Variants in NOX5 observed in about 807,000 individuals in gnomAD.
NOX5 encodes NADPH oxidase, EF-hand calcium binding domain 5.
In NOX5, 76 loss-of-function variants were observed where a neutral mutation model predicts 85.7. The observed-to-expected ratio is 0.89, with a 90% CI of 0.74 to 1.07. NOX5 has a LOEUF of 1.07. Ranked by LOEUF, NOX5 falls within the 50% of genes least tolerant of loss-of-function variation. The pLI, the probability that NOX5 is intolerant of heterozygous loss-of-function variation, is 0.00. For synonymous variants in NOX5, 405 were observed against 401.4 expected (o/e 1.01, Z -0.11); for missense variants, 973 against 999.5 (o/e 0.97, Z 0.36).
At chr15:69,028,030 A>G (rs2050380603) in intron 2 of NOX5, among the ~76,000 whole-genome samples, 185 bp from the exon 3 acceptor site, 1 of 152,176 alleles carries the variant, frequency 6.6e-6, no homozygotes, top group Non-Finnish European at 1.5e-5. Flanking sequence ...TACTGCAGGG[A>G]TCGGAACAGG....
rs74020576 is a variant in NOX5, at chr15:69,023,581, T to C, written c.51-2947T>C. ...TAGAGAAGATCTTTATACACAAATA[T>C]ATTAGTGGATACTACAGAGTGTCAT... is the stretch of plus-strand genomic sequence containing the variant. On this transcript the variant is annotated intron_variant, in intron 1 of 15. Transcript: ENST00000388866. The C allele has an allele frequency of 5.2e-3, 1,145 of 219,854 alleles. 14 individuals carry two copies. The highest frequency in any genetic ancestry group is 0.026 in the African/African-American group (1,085 of 42,484). The allele number at this position is 219,854 out of a possible 1,614,324, so 13.6% of individuals were successfully genotyped here. A position where few individuals can be genotyped will look rare whatever the true frequency, so the allele number is the denominator to read the frequency against.
intron 1 of NOX5, chr15:69,023,709 T>TGAAAA (rs2050322463): frequency 6.3e-5 from 11 of 173,730 alleles, no homozygotes; most frequent in African/African-American, 2.2e-4. Flanking sequence ...AATAATGCTG[T>TGAAAA]ATAATAATCC....
At chr15:69,056,498 G>T in intron 15 of NOX5, 67 bp from the exon 16 acceptor site, 1 of 1,583,072 alleles carries the variant, frequency 6.3e-7, no homozygotes, top group Non-Finnish European at 8.6e-7. Flanking sequence ...CCAGGTGGTT[G>T]TGTCACTGGT....
chr15:69,043,354 G>T (rs1475183282), intron 10 of NOX5, among the ~76,000 whole-genome samples: 2 of 152,164 alleles, frequency 1.3e-5, no homozygotes, highest in Non-Finnish European at 2.9e-5. Context: ...GGCTTTGGAG[G>T]AACAGAGAGA....
chr15:69,025,425 T>C (rs1229451111), intron 1 of NOX5, among the ~76,000 whole-genome samples: 3 of 152,082 alleles, frequency 2.0e-5, no homozygotes, highest in African/African-American at 4.8e-5. Flanking sequence ...AGATAGATCA[T>C]GAAAAGGACA....
At chr15:69,046,958 G>T (rs563578477) in intron 11 of NOX5, 92 bp downstream of exon 11, 4 of 1,398,126 alleles carry the variant, frequency 2.9e-6, no homozygotes, top group Admixed American at 3.5e-5. Context: ...TGTTGTGGTT[G>T]TGGGTACTCA....
At chr15:69,019,397 G>A (rs1202772446) in intron 1 of NOX5, among the ~76,000 whole-genome samples, 2 of 152,178 alleles carry the variant, frequency 1.3e-5, no homozygotes, top group African/African-American at 4.8e-5. Context: ...TTGTGATATT[G>A]TACTACAATT....
At chr15:69,031,455 A>G (rs1342231980) in intron 3 of NOX5, 63 bp from the exon 4 acceptor site, 11 of 1,540,196 alleles carry the variant, frequency 7.1e-6, no homozygotes, top group East Asian at 4.5e-5. Flanking sequence ...TATACCCCCA[A>G]GGAAAGCTGA....
intron 14 of NOX5, among the ~76,000 whole-genome samples, chr15:69,054,348 T>G (rs1470978950): frequency 6.6e-6 from 1 of 152,216 alleles, no homozygotes; most frequent in African/African-American, 2.4e-5. Context: ...TCTGGCCTTG[T>G]GGGCTCCTTC....
At chr15:69,045,504 C>T (rs1227345563) in intron 10 of NOX5, among the ~76,000 whole-genome samples, 1 of 141,860 alleles carries the variant, frequency 7.0e-6, no homozygotes, top group Non-Finnish European at 1.5e-5. Flanking sequence ...CTCCCTCCCT[C>T]TCCCTTCTTT....
intron 1 of NOX5, among the ~76,000 whole-genome samples, chr15:69,024,614 A>G (rs1595769750): frequency 6.6e-6 from 1 of 152,266 alleles, no homozygotes; most frequent in Non-Finnish European, 1.5e-5. Flanking sequence ...GTATATTGTT[A>G]TATATTGTTA....
Position 69,042,809 on chromosome 15 carries a change from G to T in NOX5, c.1647+4G>T. 1 of 1,612,694 alleles carries T rather than the reference G, an allele frequency of 6.2e-7. No homozygotes were observed. Among genetic ancestry groups the T allele is most frequent in the Non-Finnish European group, 8.5e-7 (1 of 1,179,316 alleles). ...AAAGAGTCAAAGGTCGTCCAAGGTA[G>T]GTGGCTACTGGAGGGAAGGGGTCCA... is the stretch of plus-strand genomic sequence containing the variant. On this transcript the variant is annotated splice_donor_region_variant and intron_variant, in intron 10 of 15. Coordinates refer to ENST00000388866, the MANE Select transcript of NOX5 (RefSeq NM_024505.4).
In NOX5 at chr15:69,047,442, C is replaced by T. The variant is rs2050688528; in HGVS notation, c.1722C>T (p.Pro574=). 3.7e-6 allele frequency: 6 copies of T among 1,613,924 alleles called. No homozygotes were observed. Among genetic ancestry groups the T allele is most frequent in the East Asian group, 2.2e-5 (1 of 44,858 alleles). Residue 574 remains proline, a synonymous_variant, in exon 12 of 16, where the codon CCC becomes CCT. Coordinates refer to ENST00000388866, the MANE Select transcript of NOX5 (RefSeq NM_024505.4). ...ACATCGATGGGCCTTATGGGACCCCCACCCGCAGGATCTTTGCCTCTGAGC... is the reference window on the plus strand; with the variant it reads ...ACATCGATGGGCCTTATGGGACCCCTACCCGCAGGATCTTTGCCTCTGAGC... ...KCYIDGPYGT[P]TRRIFASEHA...
chr15:69,030,675 A>G (rs1421279971), intron 3 of NOX5: 2 of 152,186 alleles, frequency 1.3e-5, no homozygotes, highest in Non-Finnish European at 1.5e-5. Context: ...AATATACTCT[A>G]ATTGATTCTG....
At chr15:69,033,448 G>A (rs986521662) in intron 5 of NOX5, among the ~76,000 whole-genome samples, 171 bp downstream of exon 5, 5 of 152,202 alleles carry the variant, frequency 3.3e-5, no homozygotes, top group Non-Finnish European at 7.3e-5. Flanking sequence ...GAGAGGGACA[G>A]TAGCTTGTCC....
intron 4 of NOX5, among the ~76,000 whole-genome samples, chr15:69,032,438 T>C (rs1312069302): frequency 6.7e-6 from 1 of 148,622 alleles, no homozygotes; most frequent in East Asian, 2.0e-4. Flanking sequence ...TGAGACGGAG[T>C]CTCACTCTGT....
chr15:69,015,646 G>T (rs2050222571), intron 1 of NOX5, among the ~76,000 whole-genome samples: 1 of 152,156 alleles, frequency 6.6e-6, no homozygotes, highest in African/African-American at 2.4e-5. Context: ...GAGTCAGAAT[G>T]CACATTTTTA....
intron 11 of NOX5, chr15:69,047,159 AC>A (rs1241182170): frequency 7.1e-6 from 4 of 564,072 alleles, no homozygotes; most frequent in Non-Finnish European, 1.2e-5. Flanking sequence ...CACGGCACAC[AC>A]CCCAGGGATG....
intron 15 of NOX5, among the ~76,000 whole-genome samples, chr15:69,056,117 A>G (rs1461065802): frequency 6.6e-6 from 1 of 152,082 alleles, no homozygotes; most frequent in African/African-American, 2.4e-5. Context: ...TTGGGGTAGA[A>G]AAGGGTCCTC....
Sources: gnomAD v4.1 joint callset for allele counts (sites outside exome capture counted in the v4.1 genomes callset) on GRCh38, gnomAD v4.1.1 for gene constraint, MANE v1.5 for transcripts, NCBI Gene and HGNC (gene_info 2026-07-23, HGNC 2026-07-21) for gene names.